The following MAGI2 variants were observed in gnomAD, a reference collection of about 807,000 sequenced individuals.
The protein encoded by MAGI2 is membrane-associated guanylate kinase, WW and PDZ domain-containing protein 2.
A neutral mutation model predicts 133.3 loss-of-function variants in MAGI2; 35 were observed. The ratio of observed to expected loss-of-function variants is 0.26; its 90% CI spans 0.20 to 0.35. MAGI2 has a LOEUF of 0.35. MAGI2 is among the 10% of genes least tolerant of loss of function. The pLI is 1.00. For synonymous variants in MAGI2, 729 were observed against 710.6 expected (o/e 1.03, Z -0.41); for missense variants, 1,636 against 1,863.4 (o/e 0.88, Z 2.25).
At position 78,127,285 on chromosome 7, in the gene MAGI2, A is replaced by C. The variant is rs888295146; in HGVS notation, c.3335T>G (p.Leu1112Trp). 1 of 1,607,492 alleles carries C rather than the reference A, an allele frequency of 6.2e-7. No homozygotes were observed. Among genetic ancestry groups the C allele is most frequent in the African/African-American group, 1.3e-5 (1 of 74,712 alleles). ...CAGTAGGGGAGGCTGCCTGTAGTCC[A>C]AGGGTGGGGGCTGCTGGTAGTCCCC... The part of the protein sequence containing the change: ...PGGDYQQPPP[L>W]DYRQPPLLDY... Residue 1112 changes from leucine (L) to tryptophan (W), a missense_variant, in exon 19 of 22, where the codon TTG (leucine) becomes TGG (tryptophan). This residue lies in a region of MAGI2 where 920 missense variants were observed against 1,093.5 expected (regional missense o/e 0.84). Transcript: ENST00000354212.
chr7:78,892,441 A>T (rs1290660063), intron 2 of MAGI2, among the ~76,000 whole-genome samples: 1 of 152,178 alleles, frequency 6.6e-6, no homozygotes, highest in Admixed American at 6.5e-5. Context: ...AAGCCAAAAG[A>T]ACAAAGCCGG....
intron 1 of MAGI2, among the ~76,000 whole-genome samples, chr7:79,333,396 G>A (rs1362714991): frequency 6.6e-6 from 1 of 152,122 alleles, no homozygotes; most frequent in African/African-American, 2.4e-5. Flanking sequence ...AAAGTGCTGG[G>A]ATTACAGGCG....
intron 2 of MAGI2, among the ~76,000 whole-genome samples, chr7:78,768,199 T>C (rs1825223105): frequency 6.6e-6 from 1 of 152,226 alleles, no homozygotes; most frequent in Admixed American, 6.5e-5. Context: ...CTGAAATTTC[T>C]CTGGGTAAAA....
chr7:79,137,641 C>T (rs972868101), intron 1 of MAGI2, among the ~76,000 whole-genome samples: 4 of 151,606 alleles, frequency 2.6e-5, no homozygotes, highest in East Asian at 2.0e-4. Context: ...TCAGTAGAGA[C>T]GGGGTTTCAC....
intron 7 of MAGI2, among the ~76,000 whole-genome samples, chr7:78,351,316 G>A (rs1253535472): frequency 6.6e-6 from 1 of 152,002 alleles, no homozygotes; most frequent in South Asian, 2.1e-4. Context: ...AGACTAGCCT[G>A]GGCAACACGG....
At chr7:78,126,935 A>T (rs1821045263) in intron 19 of MAGI2, among the ~76,000 whole-genome samples, 1 of 152,246 alleles carries the variant, frequency 6.6e-6, no homozygotes. Flanking sequence ...AGCAGGGATT[A>T]GTTTATTCCA....
chr7:78,555,355 G>A (rs955348357), intron 3 of MAGI2, among the ~76,000 whole-genome samples: 1 of 151,814 alleles, frequency 6.6e-6, no homozygotes, highest in Non-Finnish European at 1.5e-5. Context: ...ATTCCTTTTA[G>A]TACAAACAGG....
chr7:78,828,930 G>A (rs1414273758), intron 2 of MAGI2, among the ~76,000 whole-genome samples: 10 of 152,094 alleles, frequency 6.6e-5, no homozygotes, highest in Admixed American at 6.5e-4. Flanking sequence ...TGAAACAAAA[G>A]TATATCAGGT....
intron 3 of MAGI2, among the ~76,000 whole-genome samples, chr7:78,522,895 G>A (rs1796627208): frequency 6.6e-6 from 1 of 152,152 alleles, no homozygotes; most frequent in African/African-American, 2.4e-5. Context: ...AGGCACTCCA[G>A]TATATGTTTG....
chr7:79,247,752 CT>C (rs1832927208), intron 1 of MAGI2, among the ~76,000 whole-genome samples: 1 of 152,098 alleles, frequency 6.6e-6, no homozygotes. Context: ...TTAGTTTTCT[CT>C]TTGCTTGTTT....
At chr7:78,451,123 C>T (rs1203791879) in intron 6 of MAGI2, among the ~76,000 whole-genome samples, 4 of 152,038 alleles carry the variant, frequency 2.6e-5, no homozygotes, top group South Asian at 4.1e-4. Flanking sequence ...CTTTGCTGAA[C>T]TTCTCTCCAT....
At chr7:79,175,594 C>T (rs940343131) in intron 1 of MAGI2, among the ~76,000 whole-genome samples, 1 of 152,038 alleles carries the variant, frequency 6.6e-6, no homozygotes, top group Non-Finnish European at 1.5e-5. Context: ...AATGCATCCT[C>T]AGGCAATTTC....
intron 8 of MAGI2, 127 bp from the exon 9 acceptor site, chr7:78,344,087 G>A: frequency 1.4e-6 from 1 of 719,502 alleles, no homozygotes; most frequent in Non-Finnish European, 2.3e-6. Context: ...TACAGCAAAT[G>A]CAAGCAGGTG....
At position 79,453,503 on chromosome 7, in the gene MAGI2, G is replaced by A. The variant is rs1260276816; in HGVS notation, c.-183C>T. The A allele has an allele frequency of 6.4e-6, 9 of 1,406,892 alleles. No homozygotes were observed. Among genetic ancestry groups the A allele is most frequent in the Non-Finnish European group, 8.3e-6 (9 of 1,086,208 alleles). The allele number at this position is 1,406,892 out of a possible 1,614,324, so 87.2% of individuals were successfully genotyped here. On this transcript the variant is annotated 5_prime_UTR_variant, in exon 1 of 22. Transcript: ENST00000354212. ...AGTGTGGACGAGGAATGGGGAGGAT[G>A]AGAGGGACGGCTGGGCAGAGGTAGG...
chr7:78,727,256 G>A (rs1477285821), intron 2 of MAGI2, among the ~76,000 whole-genome samples: 1 of 152,152 alleles, frequency 6.6e-6, no homozygotes, highest in African/African-American at 2.4e-5. Context: ...TGTGTGGTAT[G>A]GAAGAGAGAG....
intron 2 of MAGI2, among the ~76,000 whole-genome samples, chr7:78,631,444 C>T (rs1327291650): frequency 6.6e-6 from 1 of 152,156 alleles, no homozygotes; most frequent in Non-Finnish European, 1.5e-5. Context: ...CGCTGCTCTT[C>T]CTGATGAGCC....
At chr7:78,461,686 C>T (rs1194749008) in intron 6 of MAGI2, among the ~76,000 whole-genome samples, 1 of 151,326 alleles carries the variant, frequency 6.6e-6, no homozygotes, top group Non-Finnish European at 1.5e-5. Context: ...CTGAGGTGGG[C>T]GGATCACCTG....
At chr7:78,479,395 G>T (rs1450821830) in intron 6 of MAGI2, among the ~76,000 whole-genome samples, 3 of 151,858 alleles carry the variant, frequency 2.0e-5, no homozygotes, top group Non-Finnish European at 4.4e-5. Flanking sequence ...AGAGATAAGA[G>T]GCCAGAGAAA....
At chr7:78,961,967 T>C (rs1802886603) in intron 2 of MAGI2, among the ~76,000 whole-genome samples, 1 of 151,968 alleles carries the variant, frequency 6.6e-6, no homozygotes, top group South Asian at 2.1e-4. Flanking sequence ...AGTATGTTAC[T>C]GTAGTGAATA....
Sources: allele counts gnomAD v4.1 joint callset (sites outside exome capture counted in the v4.1 genomes callset), GRCh38; gene constraint gnomAD v4.1.1; regional missense constraint gnomAD v4.1.1; transcripts MANE v1.5; gene names NCBI Gene and HGNC (gene_info 2026-07-23, HGNC 2026-07-21).